STXBP4: variants seen among roughly 807,000 people sequenced by gnomAD.
The protein encoded by STXBP4 is syntaxin binding protein 4, also known as syntaxin-binding protein 4.
STXBP4 carries 55 observed loss-of-function variants against 76.1 expected under a neutral mutation model. The ratio of observed to expected loss-of-function variants is 0.72; its 90% confidence interval spans 0.58 to 0.91. The LOEUF is 0.91. Ranked by LOEUF, STXBP4 falls within the 40% of genes least tolerant of loss-of-function variation. The pLI, the probability that STXBP4 is intolerant of heterozygous loss-of-function variation, is 0.00. For synonymous variants in STXBP4, 201 were observed against 220.2 expected, an observed-to-expected ratio of 0.91 and a Z score of 0.77; for missense variants, 618 against 636.9, an observed-to-expected ratio of 0.97 and a Z score of 0.32.
chr17:55,118,428 C>T (rs773361230), intron 16 of STXBP4, among the ~76,000 whole-genome samples: 2 of 151,894 alleles, frequency 1.3e-5, no homozygotes, highest in African/African-American at 2.4e-5. Context: ...AGGAGGATTG[C>T]AGACAGGATC....
rs973077834 is a variant in STXBP4, at chr17:55,142,263, T to C, written c.1547+896T>C. ...CCTGAAAATTCCTTTTATGTCAGAA[T>C]TGACATTTCGAGAGCACAAAGGGGA... On this transcript the variant is annotated intron_variant, in intron 17 of 17. Transcript: ENST00000376352. 3.3e-5 allele frequency among the ~76,000 whole-genome samples: 5 copies of C among 152,200 alleles called. No homozygotes were observed. The East Asian group carries it at 9.6e-4, about 29-fold the overall frequency.
At chr17:55,121,876 A>G (rs1193084012) in intron 16 of STXBP4, among the ~76,000 whole-genome samples, 1 of 152,098 alleles carries the variant, frequency 6.6e-6, no homozygotes, top group Non-Finnish European at 1.5e-5. Flanking sequence ...TGTTGCCTAT[A>G]GCACTGGGGG....
chr17:55,141,510 G>A (rs563201577), intron 17 of STXBP4, 143 bp downstream of exon 17: 91 of 598,194 alleles, frequency 1.5e-4, no homozygotes, highest in South Asian at 3.2e-4. Flanking sequence ...CACCATTTTC[G>A]TTTCATGTGA....
intron 10 of STXBP4, among the ~76,000 whole-genome samples, chr17:55,037,164 C>T (rs1054466361): frequency 6.6e-6 from 1 of 152,072 alleles, no homozygotes; most frequent in Non-Finnish European, 1.5e-5. Context: ...AGAACTAAAG[C>T]TGTATTCAAG....
At chr17:55,142,442 A>G (rs1187395154) in intron 17 of STXBP4, among the ~76,000 whole-genome samples, 1 of 152,166 alleles carries the variant, frequency 6.6e-6, no homozygotes, top group Non-Finnish European at 1.5e-5. Flanking sequence ...CAGATTTTGG[A>G]TTCTCATGCC....
At chr17:54,975,162 G>A (rs1001603485) in intron 1 of STXBP4, among the ~76,000 whole-genome samples, 34 of 152,164 alleles carry the variant, frequency 2.2e-4, no homozygotes, top group Admixed American at 5.9e-4. Flanking sequence ...TTTTTGAGAC[G>A]GAGTCTCACT....
At chr17:55,084,298 C>G (rs567869443) in intron 16 of STXBP4, among the ~76,000 whole-genome samples, 13 of 152,290 alleles carry the variant, frequency 8.5e-5, no homozygotes, top group Non-Finnish European at 1.6e-4. Flanking sequence ...AGTGTCTGTT[C>G]ATGTCCTTTG....
intron 1 of STXBP4, among the ~76,000 whole-genome samples, chr17:54,973,075 A>C (rs1460631759): frequency 6.6e-6 from 1 of 152,238 alleles, no homozygotes; most frequent in African/African-American, 2.4e-5. Flanking sequence ...GGTAGGAGGA[A>C]GGAGGAAAGG....
chr17:55,193,238 A>T, the STXBP4 span, among the ~76,000 whole-genome samples: 1 of 152,180 alleles, frequency 6.6e-6, no homozygotes, highest in African/African-American at 2.4e-5. Flanking sequence ...GAAGATGAGG[A>T]AACAGAGACC....
At chr17:55,154,847 G>T (rs925385561) in intron 17 of STXBP4, among the ~76,000 whole-genome samples, 1 of 151,822 alleles carries the variant, frequency 6.6e-6, no homozygotes, top group Non-Finnish European at 1.5e-5. Context: ...TGATTTGATA[G>T]CTCAGACCTA....
At position 55,000,836 on chromosome 17, in the gene STXBP4, A is replaced by G; in HGVS notation, c.527A>G (p.Gln176Arg). The G allele has an allele frequency of 3.1e-6, 5 of 1,611,078 alleles. No homozygotes were observed. Among genetic ancestry groups the G allele is most frequent in the Non-Finnish European group, 2.5e-6 (3 of 1,177,600 alleles). ...EIKTGYNKTV[Q>R]IPITSENSTV... is the part of the protein sequence containing the mutation. ...AAAACTGGATACAACAAAACAGTAC[A>G]GATTCCAATTACTTCAGAAAACAGT... Residue 176 changes from glutamine to arginine, a missense_variant, in exon 7 of 18, where the codon CAG (glutamine) becomes CGG (arginine). Physicochemically the swap from Gln to Arg is conservative, Grantham distance 43 (BLOSUM62 1). Coordinates refer to ENST00000376352, the MANE Select transcript of STXBP4 (RefSeq NM_178509.6).
chr17:55,039,099 C>T (rs2078652454), intron 10 of STXBP4, among the ~76,000 whole-genome samples: 1 of 152,114 alleles, frequency 6.6e-6, no homozygotes, highest in South Asian at 2.1e-4. Flanking sequence ...ATAGGTAAAA[C>T]TTGGCCTACA....
intron 1 of STXBP4, among the ~76,000 whole-genome samples, chr17:54,981,570 C>T (rs974025390): frequency 3.3e-5 from 5 of 151,904 alleles, no homozygotes; most frequent in Admixed American, 3.3e-4. Context: ...TGATGGATTC[C>T]AAATGGATCA....
At chr17:55,109,174 G>GTGTAT (rs2079677778) in intron 16 of STXBP4, among the ~76,000 whole-genome samples, 2 of 152,064 alleles carry the variant, frequency 1.3e-5, no homozygotes, top group Non-Finnish European at 2.9e-5. Context: ...TAATTACCAT[G>GTGTAT]TGTATTGCCT....
Position 55,169,445 on chromosome 17 carries a change from A to G in STXBP4, c.*9534A>G, listed in dbSNP as rs537771435. 1 of 152,344 alleles carries G rather than the reference A, an allele frequency of 6.6e-6. No homozygotes were observed. The highest frequency in any genetic ancestry group is 2.1e-4 in the South Asian group (1 of 4,822). 9.4% of individuals were successfully genotyped at this position (152,344 alleles called of 1,614,324 possible). On this transcript the variant is annotated 3_prime_UTR_variant, in exon 18 of 18. Coordinates refer to ENST00000376352, the MANE Select transcript of STXBP4 (RefSeq NM_178509.6). ...CAAAGCATGTTCCTGTAGCCTGAGG[A>G]CAGCCGTCCAACAAAGAGGTGCAGG...
intron 13 of STXBP4, among the ~76,000 whole-genome samples, chr17:55,073,372 T>C (rs11659106): frequency 2.0e-5 from 3 of 152,168 alleles, no homozygotes; most frequent in Non-Finnish European, 4.4e-5. Context: ...ATTACATTGG[T>C]TTTTTTCTTT....
chr17:55,190,301 T>C, the STXBP4 span, among the ~76,000 whole-genome samples: 1 of 152,180 alleles, frequency 6.6e-6, no homozygotes, highest in Non-Finnish European at 1.5e-5. Flanking sequence ...TGTCTGCATG[T>C]GTGATGAGCA....
rs1248786298 is a variant in STXBP4 at position 55,073,087 on chromosome 17, C to T, written c.1188+11C>T. The T allele has an allele frequency of 4.3e-6, 7 of 1,611,360 alleles. No homozygotes were observed. The Admixed American group carries it at 6.7e-5, about 15-fold the overall frequency. ...TCTGACCAAAATAAAGTAAGCAAAGCAGTCATCTCTTCCAGTTACCATGGT... is the reference window on the plus strand; with the variant it reads ...TCTGACCAAAATAAAGTAAGCAAAGTAGTCATCTCTTCCAGTTACCATGGT... On this transcript the variant is annotated intron_variant, in intron 13 of 17. Transcript: ENST00000376352.
At chr17:55,190,370 G>T in the STXBP4 span, among the ~76,000 whole-genome samples, 1 of 152,110 alleles carries the variant, frequency 6.6e-6, no homozygotes, top group Admixed American at 6.6e-5. Context: ...TACTGTCAAG[G>T]ATGGCCTTAT....
Sources: gnomAD v4.1 joint callset for allele counts (sites outside exome capture counted in the v4.1 genomes callset) on GRCh38, gnomAD v4.1.1 for gene constraint, MANE v1.5 for transcripts, NCBI Gene and HGNC (gene_info 2026-07-23, HGNC 2026-07-21) for gene names.